The following TOR2A variants were observed in gnomAD, a reference collection of about 807,000 sequenced individuals.
The protein encoded by TOR2A is prosalusin.
TOR2A carries 24 observed loss-of-function variants against 28.6 expected under a neutral mutation model. The ratio of observed to expected loss-of-function variants is 0.84; its 90% CI spans 0.61 to 1.18. TOR2A has a LOEUF of 1.18. TOR2A is among the 50% of genes most tolerant of loss of function. The probability of loss-of-function intolerance (pLI) is 0.00; values close to 1 mark genes in which losing one functional copy is unlikely to be tolerated. For missense variants in TOR2A, 426 were observed against 448.1 expected (o/e 0.95, Z 0.45); for synonymous variants, 203 against 203.1 (o/e 1.00, Z 0.00).
intron 2 of TOR2A, chr9:127,733,796 G>A: frequency 3.5e-6 from 2 of 567,068 alleles, no homozygotes; most frequent in Non-Finnish European, 6.2e-6. Context: ...TCCCTGTTCA[G>A]AGCTCCTTCC....
In TOR2A at chr9:127,733,454, C is replaced by T. The variant is rs200094199; in HGVS notation, c.524G>A (p.Arg175Gln). The T allele has an allele frequency of 1.5e-5, 25 of 1,613,850 alleles. No homozygotes were observed. The highest frequency in any genetic ancestry group is 2.1e-5 in the Non-Finnish European group (25 of 1,179,968). Residue 175 changes from arginine to glutamine, a missense_variant, in exon 3 of 5, where the codon CGG becomes CAG. Transcript: ENST00000373284. ...KMPPGLMEVL[R>Q]PFLGSSWVVY... ...CACCCAGGAGGAGCCCAGGAAAGGC[C>T]GCAGGACTTCCATCAGGCCTGGGGG... is the stretch of plus-strand genomic sequence containing the variant.
At chr9:127,732,888 G>A (rs780418726) in intron 3 of TOR2A, 197 bp from the exon 4 acceptor site, 47 of 1,419,752 alleles carry the variant, frequency 3.3e-5, no homozygotes, top group South Asian at 7.9e-5. Flanking sequence ...CACATGCCAC[G>A]TACTTTATAG....
rs1844439528 is a variant in TOR2A, at chr9:127,731,855, G to T, written c.*179C>A. On this transcript the variant is annotated 3_prime_UTR_variant, in exon 5 of 5. Coordinates refer to ENST00000373284, the MANE Select transcript of TOR2A (RefSeq NM_001085347.3). ...ACCAGGGGTTTCCCTGGGGAAGGTG[G>T]CCGGGGCCAAGATGCTCTCGAGCCA... The T allele has an allele frequency of 1.1e-5, 15 of 1,329,814 alleles. No homozygotes were observed. Among genetic ancestry groups the T allele is most frequent in the African/African-American group, 1.5e-5 (1 of 67,652 alleles). The allele number at this position is 1,329,814 out of a possible 1,614,324, so 82.4% of individuals were successfully genotyped here. A position where few individuals can be genotyped will look rare whatever the true frequency, so the allele number is the denominator to read the frequency against.
chr9:127,734,176 T>G, intron 2 of TOR2A, 123 bp downstream of exon 2: 1 of 1,330,174 alleles, frequency 7.5e-7, no homozygotes, highest in Non-Finnish European at 1.0e-6. Context: ...GGATGGGTCC[T>G]GAGGGCTGGG....
chr9:127,733,759 C>G (rs899127894), intron 2 of TOR2A, 199 bp from the exon 3 acceptor site: 14 of 599,284 alleles, frequency 2.3e-5, no homozygotes, highest in Non-Finnish European at 4.1e-5. Flanking sequence ...CCAGTCAGAA[C>G]AGGGACTCAA....
chr9:127,732,685 C>A lies in TOR2A; in HGVS notation c.600G>T (p.Thr200=), dbSNP rs778839588. 6.4e-7 allele frequency: 1 copy of A among 1,562,936 alleles called. No homozygotes were observed. Among genetic ancestry groups the A allele is most frequent in the South Asian group, 1.2e-5 (1 of 84,876 alleles). Residue 200 remains threonine, a synonymous_variant, in exon 4 of 5, where the codon ACG becomes ACT. Coordinates refer to ENST00000373284, the MANE Select transcript of TOR2A (RefSeq NM_001085347.3). ...RKAIFIFISN[T]GGKQINQVAL... is the part of the protein sequence containing the mutation. ...CCACCTGGTTGATCTGCTTGCCACCCGTGTTGCTAAAACCATGGGGGACCC... is the reference window on the plus strand; with the variant it reads ...CCACCTGGTTGATCTGCTTGCCACCAGTGTTGCTAAAACCATGGGGGACCC...
In TOR2A at chr9:127,731,888, G is replaced by A; in HGVS notation, c.*146C>T. 1 of 1,466,356 alleles carries A rather than the reference G, an allele frequency of 6.8e-7. No homozygotes were observed. The highest frequency in any genetic ancestry group is 1.4e-5 in the South Asian group (1 of 70,244). The allele number at this position is 1,466,356 out of a possible 1,614,324, so 90.8% of individuals were successfully genotyped here. A position where few individuals can be genotyped will look rare whatever the true frequency, so the allele number is the denominator to read the frequency against. ...CAAGATGCTCTCGAGCCAGTTTAGA[G>A]GCCAGGGCCCTTCCTGGCCATCTGT... On this transcript the variant is annotated 3_prime_UTR_variant, in exon 5 of 5. Coordinates refer to ENST00000373284, the MANE Select transcript of TOR2A (RefSeq NM_001085347.3).
In TOR2A at chr9:127,734,392, G is replaced by A. The variant is rs749457499; in HGVS notation, c.324C>T (p.His108=). ...GKSYVSSLLA[H]YLFQGGLRSP... ...TGCGGAGGCCGCCCTGGAAGAGGTA[G>A]TGCGCCAGCAGGGAGCTGACATAGG... The change falls in exon 2 of 5, where the codon CAC becomes CAT. Residue 108 remains histidine (H), a synonymous_variant. Transcript: ENST00000373284. 2 of 1,612,704 alleles carry A rather than the reference G, an allele frequency of 1.2e-6. No homozygotes were observed. The highest frequency in any genetic ancestry group is 4.5e-5 in the East Asian group (2 of 44,804).
chr9:127,734,587 A>AGGACACATCCCACC, intron 1 of TOR2A, 23 bp from the exon 2 acceptor site: 2 of 1,479,300 alleles, frequency 1.4e-6, no homozygotes, highest in Non-Finnish European at 1.8e-6. Context: ...GAGGATGGTG[A>AGGACACATCCCACC]GGACACATCC....
At position 127,731,844 on chromosome 9, in the gene TOR2A, TG is replaced by T; in HGVS notation, c.*189del. On this transcript the variant is annotated 3_prime_UTR_variant, in exon 5 of 5. Coordinates refer to ENST00000373284, the MANE Select transcript of TOR2A (RefSeq NM_001085347.3). ...GTTCTGGGGTGACCAGGGGTTTCCC[TG>T]GGGAAGGTGGCCGGGGCCAAGATGC... 1.6e-6 allele frequency: 2 copies of T among 1,246,876 alleles called. No homozygotes were observed. Among genetic ancestry groups the T allele is most frequent in the Non-Finnish European group, 2.2e-6 (2 of 925,526 alleles). The allele number at this position is 1,246,876 out of a possible 1,614,324, so 77.2% of individuals were successfully genotyped here.
At chr9:127,732,446 G>A in intron 4 of TOR2A, 118 bp downstream of exon 4, 3 of 1,448,442 alleles carry the variant, frequency 2.1e-6, no homozygotes, top group South Asian at 1.4e-5. Context: ...AAAGCTGGGA[G>A]TGCCAAAGCC....
Position 127,731,721 on chromosome 9 carries a change from G to A in TOR2A, c.*313C>T, listed in dbSNP as rs1844427542. 9.1e-6 allele frequency: 6 copies of A among 658,676 alleles called. No homozygotes were observed. Among genetic ancestry groups the A allele is most frequent in the African/African-American group, 1.8e-5 (1 of 55,204 alleles). 40.8% of individuals were successfully genotyped at this position (658,676 alleles called of 1,614,324 possible). A position where few individuals can be genotyped will look rare whatever the true frequency, so the allele number is the denominator to read the frequency against. ...ACCAAGGAGGCAAGGGGCAAGGGTGGCAGACTGAGGAGGGAGCACCGCCAC... is the reference window on the plus strand; with the variant it reads ...ACCAAGGAGGCAAGGGGCAAGGGTGACAGACTGAGGAGGGAGCACCGCCAC... On this transcript the variant is annotated 3_prime_UTR_variant, in exon 5 of 5. Transcript: ENST00000373284.
intron 1 of TOR2A, chr9:127,734,811 G>T (rs1049485137): frequency 1.5e-5 from 8 of 526,482 alleles, no homozygotes; most frequent in Non-Finnish European, 2.5e-5. Context: ...CTGTCAACGG[G>T]GTCAGCCGCA....
At chr9:127,735,089 G>A in intron 1 of TOR2A, 31 bp downstream of exon 1, 2 of 1,419,470 alleles carry the variant, frequency 1.4e-6, no homozygotes, top group Non-Finnish European at 1.8e-6. Context: ...GCGTCCGCCC[G>A]CCCCTCGCTC....
At position 127,732,638 on chromosome 9, in the gene TOR2A, CG is replaced by C; in HGVS notation, c.646del (p.Arg216GlyfsTer39). ...CAGGAGGATCTCCTCGCGGTCCCGC[CG>C]GCTGCGCCACGCCTCCAATGCCACC... ...NQVALEAWRS[R>X]RDREEILLQE... On this transcript the variant is annotated frameshift_variant, in exon 4 of 5. Coordinates refer to ENST00000373284, the MANE Select transcript of TOR2A (RefSeq NM_001085347.3). LOFTEE classifies it high-confidence loss of function. 6.4e-7 allele frequency: 1 copy of C among 1,573,198 alleles called. No individual in the cohort carries two copies. Among genetic ancestry groups the C allele is most frequent in the Non-Finnish European group, 8.6e-7 (1 of 1,160,288 alleles).
chr9:127,734,830 C>A, intron 1 of TOR2A: 1 of 521,734 alleles, frequency 1.9e-6, no homozygotes, highest in Non-Finnish European at 3.1e-6. Flanking sequence ...CAGACCCCGC[C>A]CATCCCCAAG....
intron 2 of TOR2A, chr9:127,733,879 G>A (rs1844575477): frequency 4.6e-6 from 2 of 433,018 alleles, no homozygotes; most frequent in African/African-American, 2.0e-5. Context: ...AGTGTTGACG[G>A]CTGAAACTGA....
At position 127,734,410 on chromosome 9, in the gene TOR2A, G is replaced by A. The variant is rs1398369637; in HGVS notation, c.306C>T (p.Val102=). 1 of 1,612,684 alleles carries A rather than the reference G, an allele frequency of 6.2e-7. No homozygotes were observed. Among genetic ancestry groups the A allele is most frequent in the Non-Finnish European group, 8.5e-7 (1 of 1,179,790 alleles). The part of the protein sequence containing the change: ...HGWTGTGKSY[V]SSLLAHYLFQ... Reference sequence around the variant, plus strand: ...AGAGGTAGTGCGCCAGCAGGGAGCTGACATAGGATTTGCCGGTGCCGGTCC... The same window carrying A: ...AGAGGTAGTGCGCCAGCAGGGAGCTAACATAGGATTTGCCGGTGCCGGTCC... The change falls in exon 2 of 5, where the codon GTC becomes GTT. Residue 102 remains valine (V), a synonymous_variant. Coordinates refer to ENST00000373284, the MANE Select transcript of TOR2A (RefSeq NM_001085347.3).
chr9:127,732,709 C>A lies in TOR2A; in HGVS notation c.594-18G>T, dbSNP rs781398751. Reference sequence around the variant, plus strand: ...CCGTGTTGCTAAAACCATGGGGGACCCAGGCTGAGACTCAGATGAGGACTA... The same window carrying A: ...CCGTGTTGCTAAAACCATGGGGGACACAGGCTGAGACTCAGATGAGGACTA... On this transcript the variant is annotated intron_variant, in intron 3 of 4. Transcript: ENST00000373284. 9.0e-6 allele frequency: 14 copies of A among 1,556,230 alleles called. No individual in the cohort carries two copies. The highest frequency in any genetic ancestry group is 1.2e-5 in the Non-Finnish European group (14 of 1,150,280).
Sources: allele counts gnomAD v4.1 joint callset, GRCh38; gene constraint gnomAD v4.1.1; transcripts MANE v1.5; gene names NCBI Gene and HGNC (gene_info 2026-07-23, HGNC 2026-07-21).